DOK7: variants seen among roughly 807,000 people sequenced by gnomAD.
DOK7 encodes the protein docking protein 7.
In DOK7, 32 loss-of-function variants were observed where a neutral mutation model predicts 30.7. The ratio of observed to expected loss-of-function variants is 1.04; its 90% CI spans 0.79 to 1.40. The LOEUF is 1.40. Among genes scored for constraint, DOK7 ranks in the 40% most tolerant of loss-of-function variants. DOK7 has a pLI of 0.00. For missense variants in DOK7, 1,007 were observed against 699.2 expected (o/e 1.44, Z -4.97); for synonymous variants, 447 against 324.1 (o/e 1.38, Z -4.07).
rs940741051 is a variant in DOK7, at chr4:3,500,368, G to C, written c.1226G>C (p.Gly409Ala). The C allele has an allele frequency of 1.4e-5, 21 of 1,535,832 alleles. No individual in the cohort carries two copies. The Admixed American group carries it at 4.1e-4, about 30-fold the overall frequency. ...TCCAGAAAGCAGCTGCACTACATGG[G>C]CCTGGAGCTCCAGGAGGCCAGCGAG... Residue 409 changes from glycine to alanine, a missense_variant, in exon 7 of 8, where the codon GGC (glycine) becomes GCC (alanine). Coordinates refer to the DOK7 transcript ENST00000643608.
chr4:3,490,573 TTCTC>T lies in DOK7; in HGVS notation c.772+783_772+786del, dbSNP rs541069961. On this transcript the variant is annotated intron_variant, in intron 6 of 6. Transcript: ENST00000340083. ...CTCCCCCTGCTCATTCGTTTTTTCC[TTCTC>T]TCTCTGCTCATTCCTTCATTTCTTC... Among the ~76,000 whole-genome samples, 21 of 114,078 alleles carry T rather than the reference TTCTC, an allele frequency of 1.8e-4. No homozygotes were observed. In the East Asian group the frequency reaches 5.1e-3, roughly 28 times the overall value. 74.8% of individuals were successfully genotyped at this position (114,078 alleles called of 152,430 possible).
At chr4:3,480,997 G>C (rs2109355722) in intron 4 of DOK7, among the ~76,000 whole-genome samples, 1 of 152,290 alleles carries the variant, frequency 6.6e-6, no homozygotes, top group East Asian at 1.9e-4. Flanking sequence ...TAGCTCAGCT[G>C]TCAGAGGGTA....
At chr4:3,479,184 G>A (rs901548602) in intron 4 of DOK7, among the ~76,000 whole-genome samples, 1 of 152,234 alleles carries the variant, frequency 6.6e-6, no homozygotes, top group Admixed American at 6.5e-5. Context: ...TGGTGGCCCC[G>A]GCGGCCTCGG....
In DOK7 at chr4:3,467,334, C is replaced by T. The variant is rs548219837; in HGVS notation, c.100+3783C>T. ...TCTCCGCCCTGGCTGTAAGGCCTTCCGTGTGCTCATGACTCCACAGTTATT... is the reference window on the plus strand; with the variant it reads ...TCTCCGCCCTGGCTGTAAGGCCTTCTGTGTGCTCATGACTCCACAGTTATT... On this transcript the variant is annotated intron_variant, in intron 2 of 6. Coordinates refer to ENST00000340083, the MANE Select transcript of DOK7 (RefSeq NM_173660.5). Among the ~76,000 whole-genome samples the T allele has an allele frequency of 8.6e-5, 13 of 151,792 alleles. No individual in the cohort carries two copies. The East Asian group carries it at 1.4e-3, about 16-fold the overall frequency.
intron 4 of DOK7, chr4:3,484,440 C>T (rs564383713): frequency 2.1e-4 from 205 of 968,172 alleles, no homozygotes; most frequent in Middle Eastern, 5.3e-4. Context: ...TTCCCTCCTG[C>T]GTACCTTTCT....
At chr4:3,468,590 G>C (rs1726492233) in intron 2 of DOK7, among the ~76,000 whole-genome samples, 1 of 151,192 alleles carries the variant, frequency 6.6e-6, no homozygotes, top group African/African-American at 2.4e-5. Context: ...TTGTCTGAGT[G>C]TGCGTGTATT....
rs749834860 is a variant in DOK7, at chr4:3,493,176, TGCCCACCTCCCTGCGG to T, written c.1197_1212del (p.Ser400MetfsTer51). On this transcript the variant is annotated frameshift_variant, in exon 7 of 7. Coordinates refer to ENST00000340083, the MANE Select transcript of DOK7 (RefSeq NM_173660.5). LOFTEE classifies it low-confidence loss of function (END_TRUNC). ...CTGCCCGGGACAGTCGAGTACCAGG[TGCCCACCTCCCTGCGG>T]GCCCACTATGACACACCACGCAGCC... The T allele has an allele frequency of 6.2e-7, 1 of 1,609,126 alleles. No individual in the cohort carries two copies. Among genetic ancestry groups the T allele is most frequent in the Non-Finnish European group, 8.5e-7 (1 of 1,178,678 alleles).
chr4:3,489,211 C>A (rs5855788), intron 5 of DOK7, among the ~76,000 whole-genome samples: 2 of 152,070 alleles, frequency 1.3e-5, no homozygotes, highest in East Asian at 3.9e-4. Context: ...CCCCAGGGAA[C>A]GGTGGGGACA....
intron 3 of DOK7, among the ~76,000 whole-genome samples, chr4:3,474,070 G>T (rs1199261212): frequency 6.6e-6 from 1 of 152,106 alleles, no homozygotes; most frequent in East Asian, 1.9e-4. Flanking sequence ...GAGAGGGAGG[G>T]GAAGGGAGTG....
chr4:3,486,769 G>A (rs138595970), intron 5 of DOK7, among the ~76,000 whole-genome samples: 11 of 152,162 alleles, frequency 7.2e-5, no homozygotes, highest in South Asian at 2.1e-4. Context: ...GCTGCAGGCA[G>A]GTGTGGATGG....
intron 2 of DOK7, among the ~76,000 whole-genome samples, chr4:3,470,749 A>C (rs944066977): frequency 6.6e-6 from 1 of 152,250 alleles, no homozygotes; most frequent in African/African-American, 2.4e-5. Context: ...TTTCCAGCTA[A>C]GTATGGTAAA....
downstream of DOK7, among the ~76,000 whole-genome samples, chr4:3,495,562 G>A (rs62272694): frequency 0.12 from 18,809 of 152,246 alleles, 1,244 homozygotes; most frequent in African/African-American, 0.14. Flanking sequence ...GGCGTCTGAA[G>A]GTTCCGGCCA....
Position 3,494,094 on chromosome 4 carries a change from C to T in DOK7, c.*593C>T, listed in dbSNP as rs1319186862. On this transcript the variant is annotated 3_prime_UTR_variant, in exon 7 of 7. Coordinates refer to ENST00000340083, the MANE Select transcript of DOK7 (RefSeq NM_173660.5). The stretch of plus-strand genomic sequence containing the variant: ...TGCGGGGTCTCTGGGTTCTGGGCCC[C>T]ACTGTTCCCCAGTGAAGCCCTTGTG... The T allele has an allele frequency of 2.0e-6, 2 of 986,368 alleles. No homozygotes were observed. Among genetic ancestry groups the T allele is most frequent in the East Asian group, 2.3e-4 (2 of 8,828 alleles). The allele number at this position is 986,368 out of a possible 1,614,324, so 61.1% of individuals were successfully genotyped here. A position where few individuals can be genotyped will look rare whatever the true frequency, so the allele number is the denominator to read the frequency against.
intron 4 of DOK7, among the ~76,000 whole-genome samples, chr4:3,479,222 C>A (rs1011429546): frequency 2.0e-5 from 3 of 152,200 alleles, no homozygotes; most frequent in Admixed American, 6.5e-5. Context: ...CCAGTCCCTG[C>A]GCCTGCTGGC....
In DOK7 at chr4:3,493,977, G is replaced by C; in HGVS notation, c.*476G>C. 2 of 986,750 alleles carry C rather than the reference G, an allele frequency of 2.0e-6. No individual in the cohort carries two copies. The highest frequency in any genetic ancestry group is 2.4e-6 in the Non-Finnish European group (2 of 834,808). The allele number at this position is 986,750 out of a possible 1,614,324, so 61.1% of individuals were successfully genotyped here. ...CTACCACAGAGGCTCCGGCCACCTGGGCTCCACCAGCCCAGCCCCCCTGGG... is the reference window on the plus strand; with the variant it reads ...CTACCACAGAGGCTCCGGCCACCTGCGCTCCACCAGCCCAGCCCCCCTGGG... On this transcript the variant is annotated 3_prime_UTR_variant, in exon 7 of 7. Transcript: ENST00000340083.
At chr4:3,497,511 G>T (rs907253046), downstream of DOK7, among the ~76,000 whole-genome samples, 3 of 152,162 alleles carry the variant, frequency 2.0e-5, no homozygotes, top group Non-Finnish European at 4.4e-5. Flanking sequence ...GTTGGGCAGG[G>T]CTGAGAGGCT....
chr4:3,500,249 A>G lies in DOK7; in HGVS notation c.1109-2A>G. ...GGGGCTTCACAGCCGCTCCCCCCAC[A>G]GGATCCCCAGGACCCGTGGCTGTGG... On this transcript the variant is annotated splice_acceptor_variant, in intron 6 of 7. Coordinates refer to the DOK7 transcript ENST00000643608. LOFTEE classifies it high-confidence loss of function. The G allele has an allele frequency of 1.3e-6, 2 of 1,535,200 alleles. No homozygotes were observed. Among genetic ancestry groups the G allele is most frequent in the East Asian group, 4.9e-5 (2 of 40,894 alleles).
At chr4:3,479,687 C>T (rs955895901) in intron 4 of DOK7, among the ~76,000 whole-genome samples, 9 of 152,236 alleles carry the variant, frequency 5.9e-5, no homozygotes, top group Non-Finnish European at 1.2e-4. Context: ...AGACACTGGG[C>T]GTGGCTGTGC....
intron 4 of DOK7, chr4:3,485,289 GC>G: frequency 2.1e-6 from 1 of 469,926 alleles, no homozygotes; most frequent in Non-Finnish European, 3.7e-6. Flanking sequence ...GAAGGGTGCG[GC>G]GGGGTCCCTG....
Sources: gnomAD v4.1 joint callset for allele counts (sites outside exome capture counted in the v4.1 genomes callset) on GRCh38, gnomAD v4.1.1 for gene constraint, MANE v1.5 for transcripts, NCBI Gene and HGNC (gene_info 2026-07-23, HGNC 2026-07-21) for gene names.